Variants in EAF1 observed in about 807,000 individuals in gnomAD.
EAF1 encodes the protein ELL-associated factor 1.
Under a neutral mutation model 26.6 loss-of-function variants are expected in EAF1, and 19 were observed. That is an observed-to-expected ratio of 0.71 (90% confidence interval 0.50 to 1.05). EAF1 has a LOEUF of 1.05. Ranked by LOEUF, EAF1 falls within the 50% of genes least tolerant of loss-of-function variation. The pLI is 0.00. For synonymous variants in EAF1, 102 were observed against 120.6 expected (o/e 0.85, Z 1.01); for missense variants, 260 against 335.5 (o/e 0.78, Z 1.76).
chr3:15,427,697 T>C lies in EAF1; in HGVS notation c.-83T>C. 1.1e-5 allele frequency: 16 copies of C among 1,410,914 alleles called. No individual in the cohort carries two copies. In the South Asian group the frequency reaches 2.0e-4, roughly 18 times the overall value. The allele number at this position is 1,410,914 out of a possible 1,614,324, so 87.4% of individuals were successfully genotyped here. ...CCAGAGCGGTGGCCCGGAAGCACAG[T>C]CCTCCCAGACGCCAGCGCCAGAAGC... On this transcript the variant is annotated 5_prime_UTR_variant, in exon 1 of 6. Coordinates refer to ENST00000396842, the MANE Select transcript of EAF1 (RefSeq NM_033083.7).
chr3:15,442,481 A>G lies in EAF1; in HGVS notation c.*3326A>G, dbSNP rs2061877163. 6.6e-6 allele frequency: 1 copy of G among 150,602 alleles called. No homozygotes were observed. Among genetic ancestry groups the G allele is most frequent in the South Asian group, 2.1e-4 (1 of 4,834 alleles). The allele number at this position is 150,602 out of a possible 1,614,324, so 9.3% of individuals were successfully genotyped here. A position where few individuals can be genotyped will look rare whatever the true frequency, so the allele number is the denominator to read the frequency against. On this transcript the variant is annotated 3_prime_UTR_variant, in exon 6 of 6. Transcript: ENST00000396842. ...CTTTATTTTTAAAATCTTGTGCCTA[A>G]AAGTTTTTTTGCTTAATTATGAAGT...
chr3:15,432,255 A>G, intron 3 of EAF1, 32 bp downstream of exon 3: 1 of 1,611,790 alleles, frequency 6.2e-7, no homozygotes, highest in Non-Finnish European at 8.5e-7. Flanking sequence ...GGTTTATATC[A>G]TGTTTCCAAA....
chr3:15,431,864 T>C (rs2061804227), intron 2 of EAF1, among the ~76,000 whole-genome samples: 1 of 152,220 alleles, frequency 6.6e-6, no homozygotes, highest in Non-Finnish European at 1.5e-5. Context: ...TACTACCTTT[T>C]TGATTACTTA....
rs780270918 is a variant in EAF1 at position 15,436,529 on chromosome 3, T to C, written c.714T>C (p.Asn238=). The C allele has an allele frequency of 1.9e-6, 3 of 1,593,398 alleles. No individual in the cohort carries two copies. The highest frequency in any genetic ancestry group is 2.6e-6 in the Non-Finnish European group (3 of 1,162,516). The change falls in exon 5 of 6, where the codon AAT becomes AAC. Residue 238 remains asparagine, a synonymous_variant. Transcript: ENST00000396842. ...QPYNSRPAVA[N]GTSRPQGSNQ... is the part of the protein sequence containing the mutation. ...ACAACAGTAGGCCTGCCGTTGCCAATGGAACCAGCCGGCCACAAGGAAGCA... is the reference window on the plus strand; with the variant it reads ...ACAACAGTAGGCCTGCCGTTGCCAACGGAACCAGCCGGCCACAAGGAAGCA...
chr3:15,434,414 A>G lies in EAF1; in HGVS notation c.402A>G (p.Ser134=). The G allele has an allele frequency of 1.2e-6, 2 of 1,614,246 alleles. No homozygotes were observed. Among genetic ancestry groups the G allele is most frequent in the South Asian group, 1.1e-5 (1 of 91,088 alleles). ...AGCCCACTCGTCCTCCACAGACGTC[A>G]CAGCCACCACCACCTCCACCACCTA... The part of the protein sequence containing the change: ...EQQPTRPPQT[S]QPPPPPPPMP... The change falls in exon 4 of 6, where the codon TCA becomes TCG. Residue 134 remains serine (S), a synonymous_variant. Coordinates refer to ENST00000396842, the MANE Select transcript of EAF1 (RefSeq NM_033083.7).
At position 15,436,495 on chromosome 3, in the gene EAF1, A is replaced by G. The variant is rs2061836438; in HGVS notation, c.680A>G (p.Gln227Arg). 6.2e-7 allele frequency: 1 copy of G among 1,611,540 alleles called. No individual in the cohort carries two copies. ...GCCTCTCCTCCGCAGCCTTCACACC[A>G]GCAGCCCTACAACAGTAGGCCTGCC... ...GPASPPQPSH[Q>R]QPYNSRPAVA... is the part of the protein sequence containing the mutation. Residue 227 changes from glutamine (Q) to arginine (R), a missense_variant, in exon 5 of 6, where the codon CAG becomes CGG. Physicochemically the swap from Gln to Arg is conservative, Grantham distance 43. Coordinates refer to ENST00000396842, the MANE Select transcript of EAF1 (RefSeq NM_033083.7).
chr3:15,436,357 T>G lies in EAF1; in HGVS notation c.542T>G (p.Val181Gly), dbSNP rs2061834471. Residue 181 changes from valine (V) to glycine (G), a missense_variant, in exon 5 of 6, where the codon GTT becomes GGT. Physicochemically the swap from Val to Gly is moderately radical, Grantham distance 109. Transcript: ENST00000396842. ...TTTATTCCAGAGCTGAGGGCTGAAG[T>G]TGACATTATTGAACAAATGAGCAGC... The part of the protein sequence containing the change: ...DDIKRELRAE[V>G]DIIEQMSSSS... 6.2e-7 allele frequency: 1 copy of G among 1,609,192 alleles called. No individual in the cohort carries two copies. The highest frequency in any genetic ancestry group is 1.3e-5 in the African/African-American group (1 of 74,882).
In EAF1 at chr3:15,427,873, A is replaced by C. The variant is rs554473608; in HGVS notation, c.94A>C (p.Thr32Pro). 2 of 1,548,076 alleles carry C rather than the reference A, an allele frequency of 1.3e-6. No individual in the cohort carries two copies. The highest frequency in any genetic ancestry group is 2.5e-5 in the East Asian group (1 of 40,554). ...GAAGCGGCCGCGGGCCTCCTTCCAC[A>C]CTATTCGTTGTAAGTCAGCGCTCCC... ...FEKRPRASFH[T>P]IRYDFKPASI... The change falls in exon 1 of 6, where the codon ACT becomes CCT. Residue 32 changes from threonine to proline, a missense_variant. By Grantham distance (38) the Thr-to-Pro change is conservative (BLOSUM62 -1). Transcript: ENST00000396842.
Position 15,427,871 on chromosome 3 carries a change from A to T in EAF1, c.92A>T (p.His31Leu). 6.5e-7 allele frequency: 1 copy of T among 1,549,004 alleles called. No homozygotes were observed. Among genetic ancestry groups the T allele is most frequent in the Non-Finnish European group, 8.7e-7 (1 of 1,145,662 alleles). The change falls in exon 1 of 6, where the codon CAC becomes CTC. Residue 31 changes from histidine (H) to leucine (L), a missense_variant. Coordinates refer to ENST00000396842, the MANE Select transcript of EAF1 (RefSeq NM_033083.7). ...GAGAAGCGGCCGCGGGCCTCCTTCC[A>T]CACTATTCGTTGTAAGTCAGCGCTC... ...SFEKRPRASF[H>L]TIRYDFKPAS...
Position 15,429,821 on chromosome 3 carries a change from G to T in EAF1, c.104-92G>T, listed in dbSNP as rs964598859. 12 of 785,596 alleles carry T rather than the reference G, an allele frequency of 1.5e-5. No homozygotes were observed. In the Admixed American group the frequency reaches 2.7e-4, roughly 18 times the overall value. 48.7% of individuals were successfully genotyped at this position (785,596 alleles called of 1,614,324 possible). On this transcript the variant is annotated intron_variant, in intron 1 of 5. Coordinates refer to ENST00000396842, the MANE Select transcript of EAF1 (RefSeq NM_033083.7). Reference sequence around the variant, plus strand: ...AATTATTTTTATTTTCCATTCATCTGAGTAATAATTTTAATTCTTAAATGG... The same window carrying T: ...AATTATTTTTATTTTCCATTCATCTTAGTAATAATTTTAATTCTTAAATGG...
intron 5 of EAF1, among the ~76,000 whole-genome samples, chr3:15,437,793 T>C (rs1051605728): frequency 4.6e-5 from 7 of 152,124 alleles, no homozygotes; most frequent in African/African-American, 1.7e-4. Context: ...AATCCAACTA[T>C]TGTGGACCAG....
At position 15,440,817 on chromosome 3, in the gene EAF1, T is replaced by C. The variant is rs73816563; in HGVS notation, c.*1662T>C. 0.04 allele frequency: 6,167 copies of C among 152,690 alleles called. 311 individuals carry two copies. Among genetic ancestry groups the C allele is most frequent in the African/African-American group, 0.12 (4,944 of 41,502 alleles). The allele number at this position is 152,690 out of a possible 1,614,324, so 9.5% of individuals were successfully genotyped here. A position where few individuals can be genotyped will look rare whatever the true frequency, so the allele number is the denominator to read the frequency against. ...CAGGTAGGAACTTATTTATAGTGGA[T>C]TGATAATTGCTTTATAATTCCTTGG... On this transcript the variant is annotated 3_prime_UTR_variant, in exon 6 of 6. Coordinates refer to ENST00000396842, the MANE Select transcript of EAF1 (RefSeq NM_033083.7).
At chr3:15,429,817 ATCTGAGTAATAATTTTAAT>A (rs1297377847) in intron 1 of EAF1, 77 bp from the exon 2 acceptor site, 2 of 770,576 alleles carry the variant, frequency 2.6e-6, no homozygotes, top group Non-Finnish European at 4.4e-6. Context: ...TTTTCCATTC[ATCTGAGTAATAATTTTAAT>A]TCTTAAATGG....
chr3:15,434,971 G>C lies in EAF1; in HGVS notation c.526+433G>C, dbSNP rs533238749. ...ATGGTGCTGCACACTTGTAGTTTCA[G>C]CTACTGTGAGGCAGGAGGATCGCTT... On this transcript the variant is annotated intron_variant, in intron 4 of 5. Transcript: ENST00000396842. 3.9e-5 allele frequency among the ~76,000 whole-genome samples: 6 copies of C among 152,292 alleles called. No homozygotes were observed. The East Asian group carries it at 9.6e-4, about 24-fold the overall frequency.
chr3:15,441,048 T>C lies in EAF1; in HGVS notation c.*1893T>C, dbSNP rs962014140. ...GCCTTGATTTCTGTAGACAGAACTA[T>C]GGTTTTTGGCATGTTGGGTCAAGAC... On this transcript the variant is annotated 3_prime_UTR_variant, in exon 6 of 6. Coordinates refer to ENST00000396842, the MANE Select transcript of EAF1 (RefSeq NM_033083.7). 7 of 152,636 alleles carry C rather than the reference T, an allele frequency of 4.6e-5. No individual in the cohort carries two copies. Among genetic ancestry groups the C allele is most frequent in the African/African-American group, 1.7e-4 (7 of 41,546 alleles). 9.5% of individuals were successfully genotyped at this position (152,636 alleles called of 1,614,324 possible).
intron 5 of EAF1, 165 bp from the exon 6 acceptor site, chr3:15,438,944 T>C: frequency 1.6e-6 from 1 of 634,732 alleles, no homozygotes; most frequent in East Asian, 2.8e-5. Flanking sequence ...AAAGCACCAT[T>C]TTGTTTCAGT....
intron 1 of EAF1, among the ~76,000 whole-genome samples, chr3:15,428,170 A>T (rs1293757190): frequency 8.3e-6 from 1 of 119,944 alleles, no homozygotes; most frequent in Non-Finnish European, 1.7e-5. Context: ...CCCGCCCCCA[A>T]CCTCGCCCCT....
intron 1 of EAF1, 33 bp from the exon 2 acceptor site, chr3:15,429,880 G>A (rs750115951): frequency 8.4e-6 from 12 of 1,427,806 alleles, no homozygotes; most frequent in Non-Finnish European, 1.2e-5. Context: ...TAAGTAACCT[G>A]GTGGGTAAGT....
rs780508737 is a variant in EAF1 at position 15,427,895 on chromosome 3, T to TC, written c.103+17dup. The stretch of plus-strand genomic sequence containing the variant: ...CACACTATTCGTTGTAAGTCAGCGC[T>TC]CCCCACGGTTCCCTTCGGCCGCTCC... On this transcript the variant is annotated intron_variant, in intron 1 of 5. Coordinates refer to ENST00000396842, the MANE Select transcript of EAF1 (RefSeq NM_033083.7). The TC allele has an allele frequency of 6.6e-7, 1 of 1,525,724 alleles. No homozygotes were observed. The highest frequency in any genetic ancestry group is 8.8e-7 in the Non-Finnish European group (1 of 1,130,794). The allele number at this position is 1,525,724 out of a possible 1,614,324, so 94.5% of individuals were successfully genotyped here.
Sources: allele counts gnomAD v4.1 joint callset (sites outside exome capture counted in the v4.1 genomes callset), GRCh38; gene constraint gnomAD v4.1.1; transcripts MANE v1.5; gene names NCBI Gene and HGNC (gene_info 2026-07-23, HGNC 2026-07-21).